Variants in ERBB3 observed in about 807,000 individuals in gnomAD.
The protein encoded by ERBB3 is receptor tyrosine-protein kinase erbB-3.
In ERBB3, 96 loss-of-function variants were observed where a neutral mutation model predicts 156.7. The ratio of observed to expected loss-of-function variants is 0.61; its 90% CI spans 0.52 to 0.73. The LOEUF (loss-of-function observed/expected upper bound fraction) is 0.73. Among genes scored for constraint, ERBB3 ranks in the 30% least tolerant of loss-of-function variants. The probability of loss-of-function intolerance (pLI) is 0.00; values close to 1 mark genes in which losing one functional copy is unlikely to be tolerated. For synonymous variants in ERBB3, 567 were observed against 632.0 expected (o/e 0.90, Z 1.54); for missense variants, 1,406 against 1,709.4 (o/e 0.82, Z 3.13).
Position 56,088,097 on chromosome 12 carries a change from T to G in ERBB3, c.809T>G (p.Phe270Cys). The G allele has an allele frequency of 6.2e-7, 1 of 1,614,160 alleles. No homozygotes were observed. Among genetic ancestry groups the G allele is most frequent in the Non-Finnish European group, 8.5e-7 (1 of 1,180,030 alleles). Residue 270 changes from phenylalanine (F) to cysteine (C), a missense_variant, in exon 7 of 28, where the codon TTC becomes TGC. By Grantham distance (205) the Phe-to-Cys change is radical. Transcript: ENST00000267101. ...PQPLVYNKLT[F>C]QLEPNPHTKY... ...CCTCTTGTCTACAACAAGCTAACTT[T>G]CCAGCTGGAACCCAATCCCCACACC...
chr12:56,088,073 C>G lies in ERBB3; in HGVS notation c.785C>G (p.Pro262Arg), dbSNP rs1057519817. 1 of 1,614,148 alleles carries G rather than the reference C, an allele frequency of 6.2e-7. No homozygotes were observed. Residue 262 changes from proline (P) to arginine (R), a missense_variant, in exon 7 of 28, where the codon CCT becomes CGT. This residue lies in a region of ERBB3 where 979 missense variants were observed against 1,219.6 expected (regional missense o/e 0.80). Transcript: ENST00000267101. ...GCCTGTGTACCTCGCTGTCCACAGC[C>G]TCTTGTCTACAACAAGCTAACTTTC... ...SGACVPRCPQ[P>R]LVYNKLTFQL... is the part of the protein sequence containing the mutation.
At chr12:56,080,142 G>C, upstream of ERBB3, 2 of 673,068 alleles carry the variant, frequency 3.0e-6, no homozygotes, top group Admixed American at 2.1e-5. Flanking sequence ...ATCCCTCCCC[G>C]GACTCCGGCT....
At chr12:56,097,395 C>G in intron 20 of ERBB3, among the ~76,000 whole-genome samples, 165 bp downstream of exon 20, 1 of 152,132 alleles carries the variant, frequency 6.6e-6, no homozygotes, top group East Asian at 1.9e-4. Context: ...AGCATGTGAG[C>G]GGCAGGCAAG....
At chr12:56,093,972 A>C in intron 13 of ERBB3, 76 bp downstream of exon 13, 1 of 1,599,308 alleles carries the variant, frequency 6.3e-7, no homozygotes. Flanking sequence ...GCATACAATA[A>C]AAGTCTTTAG....
chr12:56,099,035 T>A (rs2136823820), intron 23 of ERBB3, 130 bp downstream of exon 23: 1 of 846,256 alleles, frequency 1.2e-6, no homozygotes, highest in Non-Finnish European at 1.8e-6. Flanking sequence ...CTTGGCTCAC[T>A]ACAACCTCCG....
At position 56,103,422 on chromosome 12, in the gene ERBB3, TA is replaced by T. The variant is rs563581883; in HGVS notation, c.*1369del. On this transcript the variant is annotated 3_prime_UTR_variant, in exon 28 of 28. Transcript: ENST00000267101. ...ACCTCTGTCCCCTTGGATGGGGAACTAAGGGAAAACGTCTGTTGTATCACTG... is the reference window on the plus strand; with the variant it reads ...ACCTCTGTCCCCTTGGATGGGGAACTAGGGAAAACGTCTGTTGTATCACTG... 186 of 211,750 alleles carry T rather than the reference TA, an allele frequency of 8.8e-4. No homozygotes were observed. Among genetic ancestry groups the T allele is most frequent in the African/African-American group, 4.0e-3 (167 of 41,758 alleles). 13.1% of individuals were successfully genotyped at this position (211,750 alleles called of 1,614,324 possible).
Position 56,099,872 on chromosome 12 carries a change from A to T in ERBB3, c.2972A>T (p.Glu991Val), listed in dbSNP as rs1052807338. The T allele has an allele frequency of 9.3e-6, 15 of 1,614,216 alleles. No individual in the cohort carries two copies. The highest frequency in any genetic ancestry group is 1.2e-5 in the Non-Finnish European group (14 of 1,180,040). The part of the protein sequence containing the change: ...ESGPGIAPGP[E>V]PHGLTNKKLE... ...GGGCCTGGAATAGCCCCTGGGCCAG[A>T]GCCCCATGGTCTGACAAACAAGAAG... is the stretch of plus-strand genomic sequence containing the variant. The change falls in exon 25 of 28, where the codon GAG becomes GTG. Residue 991 changes from glutamate to valine, a missense_variant. This residue lies in a region of ERBB3 where 415 missense variants were observed against 454.1 expected (regional missense o/e 0.91). Coordinates refer to ENST00000267101, the MANE Select transcript of ERBB3 (RefSeq NM_001982.4).
chr12:56,082,225 A>G (rs565601090), intron 1 of ERBB3, among the ~76,000 whole-genome samples: 6 of 152,206 alleles, frequency 3.9e-5, no homozygotes, highest in Non-Finnish European at 8.8e-5. Context: ...TCGTGTGTAC[A>G]TTGTGTGTGT....
intron 14 of ERBB3, 34 bp downstream of exon 14, chr12:56,094,223 C>T (rs1868818751): frequency 1.3e-6 from 2 of 1,564,402 alleles, no homozygotes; most frequent in South Asian, 2.2e-5. Flanking sequence ...CCAAGGGAGA[C>T]AGAGAAGGGG....
At chr12:56,100,904 A>C (rs1382657126) in intron 26 of ERBB3, among the ~76,000 whole-genome samples, 157 bp from the exon 27 acceptor site, 1 of 132,186 alleles carries the variant, frequency 7.6e-6, no homozygotes, top group African/African-American at 2.9e-5. Context: ...ATGCCACTGC[A>C]CTCCAGCCTG....
intron 10 of ERBB3, 31 bp downstream of exon 10, chr12:56,092,851 A>G (rs778039983): frequency 6.3e-7 from 1 of 1,597,148 alleles, no homozygotes; most frequent in Non-Finnish European, 8.6e-7. Flanking sequence ...CCTTTCTAGA[A>G]GAATAGGTGA....
Position 56,101,125 on chromosome 12 carries a change from G to C in ERBB3, c.3266G>C (p.Arg1089Pro), listed in dbSNP as rs774819745. 1.2e-5 allele frequency: 19 copies of C among 1,613,908 alleles called. No homozygotes were observed. Among genetic ancestry groups the C allele is most frequent in the East Asian group, 2.2e-5 (1 of 44,882 alleles). ...PRPVSLHPMP[R>P]GCLASESSEG... ...CCAGTCTCTCTACACCCAATGCCAC[G>C]GGGATGCCTGGCATCAGAGTCATCA... The change falls in exon 27 of 28, where the codon CGG becomes CCG. Residue 1089 changes from arginine (R) to proline (P), a missense_variant. Physicochemically the swap from Arg to Pro is moderately radical, Grantham distance 103 (BLOSUM62 -2). Coordinates refer to ENST00000267101, the MANE Select transcript of ERBB3 (RefSeq NM_001982.4).
chr12:56,100,960 AAAAAG>A, intron 26 of ERBB3, 96 bp from the exon 27 acceptor site: 1 of 858,884 alleles, frequency 1.2e-6, no homozygotes, highest in South Asian at 1.7e-5. Context: ...AAAAAAAAAA[AAAAAG>A]GCAGTGAACA....
At chr12:56,093,718 C>A (rs1183250471) in intron 12 of ERBB3, 46 bp from the exon 13 acceptor site, 2 of 1,611,020 alleles carry the variant, frequency 1.2e-6, no homozygotes, top group Non-Finnish European at 1.7e-6. Context: ...AGAGGGCTTG[C>A]TGGGAGTCCT....
chr12:56,080,318 T>G lies in ERBB3; in HGVS notation c.18T>G (p.Ala6=). The G allele has an allele frequency of 6.3e-7, 1 of 1,579,392 alleles. No individual in the cohort carries two copies. Among genetic ancestry groups the G allele is most frequent in the Non-Finnish European group, 8.6e-7 (1 of 1,161,436 alleles). Residue 6 remains alanine, a synonymous_variant, in exon 1 of 28, where the codon GCT becomes GCG. Transcript: ENST00000267101. ...GCGGAGTCATGAGGGCGAACGACGC[T>G]CTGCAGGTGCTGGGCTTGCTTTTCA... MRAND[A]LQVLGLLFSL...
intron 9 of ERBB3, among the ~76,000 whole-genome samples, chr12:56,090,339 A>C (rs1402551935): frequency 3.3e-5 from 5 of 152,094 alleles, no homozygotes. Context: ...AAATGTTAAC[A>C]TACCACATAT....
chr12:56,096,457 A>G (rs1342675811), intron 17 of ERBB3, 46 bp from the exon 18 acceptor site: 1 of 1,612,462 alleles, frequency 6.2e-7, no homozygotes, highest in Non-Finnish European at 8.5e-7. Flanking sequence ...GGAGTGGGAC[A>G]TGGGAATGGC....
intron 3 of ERBB3, among the ~76,000 whole-genome samples, chr12:56,086,291 T>TTCCCC (rs1189745842): frequency 6.6e-6 from 1 of 152,096 alleles, no homozygotes; most frequent in Non-Finnish European, 1.5e-5. Flanking sequence ...CCTCTCTCCC[T>TTCCCC]TCCCCTCCCC....
At chr12:56,085,973 G>C (rs1459248048) in intron 3 of ERBB3, among the ~76,000 whole-genome samples, 22 of 151,006 alleles carry the variant, frequency 1.5e-4, no homozygotes, top group African/African-American at 5.1e-4. Context: ...GGAGGCTGAG[G>C]CAGGAGAATG....
Sources: gnomAD v4.1 joint callset for allele counts (sites outside exome capture counted in the v4.1 genomes callset) on GRCh38, gnomAD v4.1.1 for gene constraint, gnomAD v4.1.1 regional missense constraint, MANE v1.5 for transcripts, NCBI Gene and HGNC (gene_info 2026-07-23, HGNC 2026-07-21) for gene names.